The following ZMAT4 variants were observed in gnomAD, a reference collection of about 807,000 sequenced individuals.
ZMAT4 encodes zinc finger matrin-type 4, also known as zinc finger matrin-type protein 4.
Under a neutral mutation model 28.7 loss-of-function variants are expected in ZMAT4, and 17 were observed. That is an observed-to-expected ratio of 0.59 (90% CI 0.41 to 0.89). The LOEUF is 0.89. Among genes scored for constraint, ZMAT4 ranks in the 40% least tolerant of loss-of-function variants. ZMAT4 has a pLI of 0.00. For synonymous variants in ZMAT4, 117 were observed against 109.2 expected, an observed-to-expected ratio of 1.07 and a Z score of -0.44; for missense variants, 240 against 283.8, an observed-to-expected ratio of 0.85 and a Z score of 1.11.
intron 5 of ZMAT4, among the ~76,000 whole-genome samples, chr8:40,644,450 C>T (rs1022631584): frequency 1.3e-5 from 2 of 151,714 alleles, no homozygotes; most frequent in African/African-American, 4.9e-5. Context: ...CACATGGGAG[C>T]CAACAAAAAG....
At position 40,881,437 on chromosome 8, in the gene ZMAT4, A is replaced by AGAG. The variant is rs1563263259; in HGVS notation, c.-5+16245_-5+16246insCTC. ...AAGGAAGAAAAAGAAGAAAGAGAGAAAGAAAGAAAGAAAGAAAGAAAGAAA... is the reference window on the plus strand; with the variant it reads ...AAGGAAGAAAAAGAAGAAAGAGAGAAGAGAGAAAGAAAGAAAGAAAGAAAGAAA... On this transcript the variant is annotated intron_variant, in intron 1 of 6. Transcript: ENST00000297737. Among the ~76,000 whole-genome samples, 38 of 50,100 alleles carry AGAG rather than the reference A, an allele frequency of 7.6e-4. 1 individual carries two copies. Among genetic ancestry groups the AGAG allele is most frequent in the African/African-American group, 2.8e-3 (36 of 12,928 alleles). The allele number at this position is 50,100 out of a possible 152,430, so 32.9% of individuals were successfully genotyped here.
chr8:40,760,833 A>T (rs1790594429), intron 3 of ZMAT4, among the ~76,000 whole-genome samples: 1 of 151,984 alleles, frequency 6.6e-6, no homozygotes, highest in Non-Finnish European at 1.5e-5. Flanking sequence ...ACAGAGCTAC[A>T]GCAGATTTTA....
chr8:40,873,144 C>T (rs1817922869), intron 1 of ZMAT4, among the ~76,000 whole-genome samples: 1 of 152,208 alleles, frequency 6.6e-6, no homozygotes, highest in Admixed American at 6.5e-5. Context: ...GTGTTGCCTT[C>T]AGCCCATCTG....
At chr8:40,766,172 C>T (rs962678320) in intron 3 of ZMAT4, among the ~76,000 whole-genome samples, 3 of 152,212 alleles carry the variant, frequency 2.0e-5, no homozygotes, top group Admixed American at 1.3e-4. Context: ...AGCCCCTTGG[C>T]ATGATCCGCT....
intron 1 of ZMAT4, among the ~76,000 whole-genome samples, chr8:40,869,395 A>C (rs547659491): frequency 2.6e-5 from 4 of 152,300 alleles, no homozygotes; most frequent in Admixed American, 1.3e-4. Flanking sequence ...TTTTGCCCAC[A>C]AGAAAGGAAC....
chr8:40,577,752 A>T (rs1804316783), intron 6 of ZMAT4, among the ~76,000 whole-genome samples: 1 of 152,002 alleles, frequency 6.6e-6, no homozygotes, highest in Non-Finnish European at 1.5e-5. Flanking sequence ...ATGTACAATT[A>T]TGTATCAATT....
At chr8:40,579,616 C>T (rs1022710720) in intron 6 of ZMAT4, among the ~76,000 whole-genome samples, 1 of 152,196 alleles carries the variant, frequency 6.6e-6, no homozygotes, top group Non-Finnish European at 1.5e-5. Context: ...TAAATTTTCT[C>T]ACCTGAGCTA....
At chr8:40,759,976 G>A (rs936828117) in intron 3 of ZMAT4, among the ~76,000 whole-genome samples, 3 of 152,002 alleles carry the variant, frequency 2.0e-5, no homozygotes, top group Admixed American at 6.5e-5. Context: ...TAACAAATCT[G>A]GACAAAATGC....
At chr8:40,869,780 G>A (rs138773812) in intron 1 of ZMAT4, among the ~76,000 whole-genome samples, 128 of 152,286 alleles carry the variant, frequency 8.4e-4, no homozygotes, top group Non-Finnish European at 1.4e-3. Flanking sequence ...ACTGAAGAAC[G>A]ATGCATGACC....
intron 5 of ZMAT4, among the ~76,000 whole-genome samples, chr8:40,612,874 G>A (rs1446546610): frequency 1.4e-5 from 2 of 144,552 alleles, no homozygotes; most frequent in African/African-American, 2.6e-5. Context: ...GTGCAATGAC[G>A]TGATCTTGGC....
chr8:40,671,759 T>G (rs1373567069), intron 5 of ZMAT4, among the ~76,000 whole-genome samples: 1 of 152,202 alleles, frequency 6.6e-6, no homozygotes, highest in African/African-American at 2.4e-5. Context: ...TCAAAACTCA[T>G]AGAACTGTAA....
intron 5 of ZMAT4, among the ~76,000 whole-genome samples, chr8:40,627,121 C>A (rs1261151861): frequency 6.6e-6 from 1 of 152,104 alleles, no homozygotes; most frequent in Non-Finnish European, 1.5e-5. Flanking sequence ...ATTATTGAAC[C>A]AATCAATATT....
At chr8:40,702,137 C>T (rs1216964023) in intron 3 of ZMAT4, among the ~76,000 whole-genome samples, 1 of 152,104 alleles carries the variant, frequency 6.6e-6, no homozygotes, top group Non-Finnish European at 1.5e-5. Flanking sequence ...CAGATCCAAC[C>T]CCTCAATCTT....
At chr8:40,595,544 C>T (rs1282999302) in intron 5 of ZMAT4, among the ~76,000 whole-genome samples, 1 of 152,114 alleles carries the variant, frequency 6.6e-6, no homozygotes, top group Non-Finnish European at 1.5e-5. Flanking sequence ...TGGCCTATTG[C>T]TCTTAGGCTA....
At chr8:40,703,089 C>T (rs1313926092) in intron 3 of ZMAT4, among the ~76,000 whole-genome samples, 2 of 152,012 alleles carry the variant, frequency 1.3e-5, no homozygotes, top group African/African-American at 4.8e-5. Flanking sequence ...GATGGATTGA[C>T]AAAAATATTG....
At chr8:40,614,067 C>T (rs1805903760) in intron 5 of ZMAT4, among the ~76,000 whole-genome samples, 1 of 152,196 alleles carries the variant, frequency 6.6e-6, no homozygotes, top group Admixed American at 6.5e-5. Flanking sequence ...TCTTGCAGCT[C>T]ATCATGAAGC....
Position 40,589,721 on chromosome 8 carries a change from TTC to T in ZMAT4, c.578-8462_578-8461del, listed in dbSNP as rs1491032989. Among the ~76,000 whole-genome samples, 5 of 122,754 alleles carry T rather than the reference TTC, an allele frequency of 4.1e-5. No homozygotes were observed. The East Asian group carries it at 2.9e-3, about 72-fold the overall frequency. The allele number at this position is 122,754 out of a possible 152,430, so 80.5% of individuals were successfully genotyped here. A position where few individuals can be genotyped will look rare whatever the true frequency, so the allele number is the denominator to read the frequency against. Reference sequence around the variant, plus strand: ...ACCTTCCTTCCTTCTTCCTTCTTCCTTCTTCCTTTCCTTTCTTTCTTTCTTTC... The same window carrying T: ...ACCTTCCTTCCTTCTTCCTTCTTCCTTTCCTTTCCTTTCTTTCTTTCTTTC... On this transcript the variant is annotated intron_variant, in intron 5 of 6. Transcript: ENST00000297737.
At chr8:40,647,505 G>A (rs1315143474) in intron 5 of ZMAT4, among the ~76,000 whole-genome samples, 5 of 151,192 alleles carry the variant, frequency 3.3e-5, no homozygotes, top group South Asian at 2.1e-4. Flanking sequence ...GGGGAGGGGC[G>A]CCCACCATTG....
chr8:40,674,471 C>A (rs1808822728), intron 5 of ZMAT4: 2 of 497,164 alleles, frequency 4.0e-6, no homozygotes, highest in Admixed American at 3.4e-5. Context: ...TGCCTTTGGT[C>A]TGAAAAGCAG....
Sources: allele counts gnomAD v4.1 joint callset (sites outside exome capture counted in the v4.1 genomes callset), GRCh38; gene constraint gnomAD v4.1.1; transcripts MANE v1.5; gene names NCBI Gene and HGNC (gene_info 2026-07-23, HGNC 2026-07-21).